Variants in NR3C2 observed in about 807,000 individuals in gnomAD.
NR3C2 encodes mineralocorticoid receptor.
In NR3C2, 15 loss-of-function variants were observed where a neutral mutation model predicts 86.4. That is an observed-to-expected ratio of 0.17 (90% CI 0.12 to 0.27). The LOEUF (loss-of-function observed/expected upper bound fraction) is 0.27, where lower values mean the gene tolerates loss of function less well. Among genes scored for constraint, NR3C2 ranks in the 10% least tolerant of loss-of-function variants. NR3C2 has a pLI of 1.00. For synonymous variants in NR3C2, 458 were observed against 450.5 expected, an observed-to-expected ratio of 1.02 and a Z score of -0.21; for missense variants, 960 against 1,195.6, an observed-to-expected ratio of 0.80 and a Z score of 2.91.
intron 3 of NR3C2, among the ~76,000 whole-genome samples, chr4:148,228,150 G>C (rs577829032): frequency 1.3e-5 from 2 of 152,200 alleles, no homozygotes; most frequent in African/African-American, 4.8e-5. Flanking sequence ...AACATTACAG[G>C]GTTCATTCCT....
chr4:148,358,289 C>G (rs546652760), intron 2 of NR3C2, among the ~76,000 whole-genome samples: 1 of 152,016 alleles, frequency 6.6e-6, no homozygotes, highest in East Asian at 1.9e-4. Flanking sequence ...TACTATGCAG[C>G]CATAAAAAAT....
chr4:148,160,050 T>G (rs960930034), intron 4 of NR3C2, among the ~76,000 whole-genome samples: 1 of 152,224 alleles, frequency 6.6e-6, no homozygotes, highest in Admixed American at 6.5e-5. Flanking sequence ...CAGTCCCAAT[T>G]AAACTCACTT....
At chr4:148,431,855 G>A (rs1208622318) in intron 2 of NR3C2, among the ~76,000 whole-genome samples, 1 of 152,142 alleles carries the variant, frequency 6.6e-6, no homozygotes, top group Non-Finnish European at 1.5e-5. Flanking sequence ...GAAGAGAACA[G>A]ACCAGCAGTT....
At chr4:148,337,005 G>A (rs1744525450) in intron 2 of NR3C2, among the ~76,000 whole-genome samples, 1 of 152,100 alleles carries the variant, frequency 6.6e-6, no homozygotes, top group African/African-American at 2.4e-5. Flanking sequence ...ATGTTGCCCA[G>A]GCTGGTCTTG....
intron 2 of NR3C2, among the ~76,000 whole-genome samples, chr4:148,287,118 G>C (rs1270836648): frequency 6.6e-6 from 1 of 152,188 alleles, no homozygotes; most frequent in Non-Finnish European, 1.5e-5. Context: ...TTTCTACCAT[G>C]TAACAGAATT....
intron 6 of NR3C2, among the ~76,000 whole-genome samples, chr4:148,149,180 T>A (rs1263589967): frequency 1.3e-5 from 2 of 152,208 alleles, no homozygotes; most frequent in African/African-American, 4.8e-5. Flanking sequence ...CTGGGTTGGG[T>A]TGAGGTCAAA....
chr4:148,179,348 C>T (rs1735542779), intron 4 of NR3C2, among the ~76,000 whole-genome samples: 1 of 151,322 alleles, frequency 6.6e-6, no homozygotes, highest in South Asian at 2.1e-4. Flanking sequence ...AGCTCTCAGG[C>T]CCTTTAAGGA....
intron 8 of NR3C2, among the ~76,000 whole-genome samples, chr4:148,110,334 CT>C (rs762801282): frequency 6.6e-6 from 1 of 152,148 alleles, no homozygotes; most frequent in Non-Finnish European, 1.5e-5. Context: ...TGGATGTGTC[CT>C]GAGAGCTGGC....
At chr4:148,392,836 G>A (rs61756932) in intron 2 of NR3C2, among the ~76,000 whole-genome samples, 6 of 152,120 alleles carry the variant, frequency 3.9e-5, no homozygotes, top group Admixed American at 6.5e-5. Context: ...GTAATGTAAG[G>A]CTTTCCCCTT....
chr4:148,086,566 C>T (rs1017118560), intron 8 of NR3C2, among the ~76,000 whole-genome samples: 2 of 152,088 alleles, frequency 1.3e-5, no homozygotes, highest in African/African-American at 4.8e-5. Context: ...GAAACCCTGT[C>T]TCCACTTAAA....
chr4:148,329,989 C>G (rs1374578411), intron 2 of NR3C2, among the ~76,000 whole-genome samples: 1 of 152,102 alleles, frequency 6.6e-6, no homozygotes, highest in Admixed American at 6.5e-5. Flanking sequence ...TCTGACCAGC[C>G]AGGGAGGCTG....
chr4:148,427,878 T>C (rs1749625171), intron 2 of NR3C2, among the ~76,000 whole-genome samples: 1 of 151,970 alleles, frequency 6.6e-6, no homozygotes, highest in South Asian at 2.1e-4. Flanking sequence ...ATTCTGACCA[T>C]CAAAAATTAG....
intron 8 of NR3C2, among the ~76,000 whole-genome samples, chr4:148,100,670 A>G (rs1218402939): frequency 2.0e-5 from 3 of 152,216 alleles, no homozygotes; most frequent in Non-Finnish European, 2.9e-5. Flanking sequence ...TGTTTCCTCA[A>G]AAAAATAAAT....
At chr4:148,328,638 C>A (rs1287889284) in intron 2 of NR3C2, among the ~76,000 whole-genome samples, 1 of 152,144 alleles carries the variant, frequency 6.6e-6, no homozygotes, top group Non-Finnish European at 1.5e-5. Context: ...ATCTACCCAG[C>A]CAATCTAGAT....
chr4:148,441,695 G>C (rs555730543), intron 1 of NR3C2, among the ~76,000 whole-genome samples: 2 of 152,274 alleles, frequency 1.3e-5, no homozygotes, highest in African/African-American at 4.8e-5. Context: ...GCTAGCGAAC[G>C]GGAAATGCAC....
intron 4 of NR3C2, among the ~76,000 whole-genome samples, chr4:148,180,206 T>C (rs1264228509): frequency 1.3e-5 from 2 of 151,836 alleles, no homozygotes; most frequent in Admixed American, 1.3e-4. Context: ...CAGGTGACCA[T>C]GCCAACTAGT....
At position 148,435,681 on chromosome 4, in the gene NR3C2, T is replaced by A; in HGVS notation, c.1180A>T (p.Ile394Phe). 6.2e-7 allele frequency: 1 copy of A among 1,614,154 alleles called. No homozygotes were observed. The highest frequency in any genetic ancestry group is 8.5e-7 in the Non-Finnish European group (1 of 1,180,036). ...ISNGVTGQLN[I>F]VQYIKPEPDG... is the part of the protein sequence containing the mutation. ...GGTTCTGGTTTTATGTACTGGACAA[T>A]ATTAAGCTGGCCAGTCACACCATTT... is the stretch of plus-strand genomic sequence containing the variant. The change falls in exon 2 of 9, where the codon ATT (isoleucine) becomes TTT (phenylalanine). Residue 394 changes from isoleucine to phenylalanine, a missense_variant. This residue lies in a region of NR3C2 where 680 missense variants were observed against 719.0 expected (regional missense o/e 0.95). Transcript: ENST00000358102.
chr4:148,155,284 C>T (rs895082539), intron 4 of NR3C2, among the ~76,000 whole-genome samples: 1 of 152,150 alleles, frequency 6.6e-6, no homozygotes, highest in Non-Finnish European at 1.5e-5. Context: ...AGGTAGAGAT[C>T]GGTAAGGGTA....
At chr4:148,110,964 G>A (rs540494017) in intron 8 of NR3C2, among the ~76,000 whole-genome samples, 7 of 152,270 alleles carry the variant, frequency 4.6e-5, no homozygotes, top group African/African-American at 1.4e-4. Context: ...CTGAAAGCAC[G>A]ACCCATACAG....
Sources: gnomAD v4.1 joint callset for allele counts (sites outside exome capture counted in the v4.1 genomes callset) on GRCh38, gnomAD v4.1.1 for gene constraint, gnomAD v4.1.1 regional missense constraint, MANE v1.5 for transcripts, NCBI Gene and HGNC (gene_info 2026-07-23, HGNC 2026-07-21) for gene names.